The following RUNX1 variants were observed in gnomAD, a reference collection of about 807,000 sequenced individuals.
RUNX1 encodes the protein RUNX family transcription factor 1, also known as runt-related transcription factor 1.
A neutral mutation model predicts 42.8 loss-of-function variants in RUNX1; 19 were observed. The ratio of observed to expected loss-of-function variants is 0.44; its 90% CI spans 0.31 to 0.65. RUNX1 has a LOEUF of 0.65. RUNX1 is among the 30% of genes least tolerant of loss of function. The probability of loss-of-function intolerance (pLI) is 0.07; values close to 1 mark genes in which losing one functional copy is unlikely to be tolerated. For synonymous variants in RUNX1, 271 were observed against 289.4 expected, an observed-to-expected ratio of 0.94 and a Z score of 0.64; for missense variants, 528 against 672.0, an observed-to-expected ratio of 0.79 and a Z score of 2.37.
At chr21:34,895,944 T>C (rs764201107) in intron 2 of RUNX1, among the ~76,000 whole-genome samples, 21 of 151,146 alleles carry the variant, frequency 1.4e-4, no homozygotes, top group Admixed American at 8.5e-4. Flanking sequence ...ATAGCAGTTG[T>C]CAGACAAGGG....
At chr21:34,837,232 T>C (rs1044575539) in intron 6 of RUNX1, among the ~76,000 whole-genome samples, 1 of 152,158 alleles carries the variant, frequency 6.6e-6, no homozygotes, top group African/African-American at 2.4e-5. Flanking sequence ...CTGAGTTTAA[T>C]GCTGGAGGAT....
At chr21:34,909,981 G>A (rs1443967078) in intron 2 of RUNX1, among the ~76,000 whole-genome samples, 1 of 152,124 alleles carries the variant, frequency 6.6e-6, no homozygotes, top group Non-Finnish European at 1.5e-5. Context: ...AGCTGTGCCT[G>A]GGCTGCCCCC....
intron 2 of RUNX1, among the ~76,000 whole-genome samples, chr21:34,928,965 G>A (rs114422026): frequency 2.0e-5 from 3 of 148,378 alleles, no homozygotes; most frequent in Non-Finnish European, 4.5e-5. Flanking sequence ...TTTTTTTGGG[G>A]GGGGGGGTAG....
At position 34,965,994 on chromosome 21, in the gene RUNX1, C is replaced by T. The variant is rs778553373; in HGVS notation, c.59-73031G>A. 2.6e-4 allele frequency among the ~76,000 whole-genome samples: 39 copies of T among 152,172 alleles called. 1 individual carries two copies. The highest frequency in any genetic ancestry group is 5.1e-4 in the Non-Finnish European group (35 of 68,034). ...TGCCAGCCACATCCCAGGGCGGTCT[C>T]GATGGAGCAGTCCCCTCCTGTGGGT... On this transcript the variant is annotated intron_variant, in intron 2 of 8. Coordinates refer to ENST00000675419, the MANE Select transcript of RUNX1 (RefSeq NM_001754.5).
chr21:34,993,496 C>CACACACA (rs1160336189), intron 2 of RUNX1, among the ~76,000 whole-genome samples: 2,082 of 120,344 alleles, frequency 0.017, 60 homozygotes, highest in African/African-American at 0.074. Flanking sequence ...TTTGTTTGTC[C>CACACACA]CTACACACAC....
intron 2 of RUNX1, among the ~76,000 whole-genome samples, chr21:35,034,010 T>C (rs1283703320): frequency 2.0e-5 from 3 of 152,230 alleles, no homozygotes; most frequent in Non-Finnish European, 2.9e-5. Flanking sequence ...TATTTTAAGT[T>C]TATTTCACAG....
At chr21:35,046,010 G>A (rs1325567570) in intron 2 of RUNX1, among the ~76,000 whole-genome samples, 1 of 152,162 alleles carries the variant, frequency 6.6e-6, no homozygotes, top group Non-Finnish European at 1.5e-5. Context: ...ATATGTACGT[G>A]CCGAGGCTTT....
chr21:34,947,020 T>C (rs1284886114), intron 2 of RUNX1, among the ~76,000 whole-genome samples: 1 of 152,186 alleles, frequency 6.6e-6, no homozygotes, highest in Non-Finnish European at 1.5e-5. Context: ...AATTCTACCA[T>C]GGTCTTTCTT....
At chr21:35,001,279 T>C (rs888485401) in intron 2 of RUNX1, among the ~76,000 whole-genome samples, 1 of 137,338 alleles carries the variant, frequency 7.3e-6, no homozygotes, top group Admixed American at 7.2e-5. Context: ...AATAAGTTTT[T>C]GGCCTATTAT....
At chr21:34,939,441 T>C (rs142572092) in intron 2 of RUNX1, among the ~76,000 whole-genome samples, 86 of 152,334 alleles carry the variant, frequency 5.6e-4, no homozygotes, top group African/African-American at 2.0e-3. Flanking sequence ...ATAATGATCA[T>C]GTGTGATATG....
chr21:34,961,829 T>G (rs2058684094), intron 2 of RUNX1, among the ~76,000 whole-genome samples: 1 of 152,222 alleles, frequency 6.6e-6, no homozygotes, highest in South Asian at 2.1e-4. Context: ...TCTGAATTAG[T>G]GTGCTTCTGT....
chr21:34,899,237 TTATGGCCTGA>T (rs2058157106), intron 2 of RUNX1, among the ~76,000 whole-genome samples: 1 of 152,208 alleles, frequency 6.6e-6, no homozygotes. Context: ...TAAGCTGTTG[TTATGGCCTGA>T]ATGTTTGTAT....
intron 7 of RUNX1, among the ~76,000 whole-genome samples, chr21:34,812,802 G>A (rs550648687): frequency 6.6e-6 from 1 of 152,256 alleles, no homozygotes; most frequent in South Asian, 2.1e-4. Context: ...GGCCAAGGAA[G>A]GCTTTCTCAT....
intron 2 of RUNX1, among the ~76,000 whole-genome samples, chr21:34,921,342 GT>G (rs748174336): frequency 2.0e-5 from 3 of 152,100 alleles, no homozygotes; most frequent in South Asian, 2.1e-4. Context: ...TCTTCTTTCT[GT>G]CTCTATCATG....
chr21:35,032,354 G>A (rs773313172), intron 2 of RUNX1, among the ~76,000 whole-genome samples: 1 of 152,154 alleles, frequency 6.6e-6, no homozygotes, highest in African/African-American at 2.4e-5. Flanking sequence ...AACCTCTTCT[G>A]TTATCCCACT....
intron 2 of RUNX1, among the ~76,000 whole-genome samples, chr21:34,918,907 A>AAAAAT (rs1163313837): frequency 1.3e-5 from 2 of 152,234 alleles, no homozygotes; most frequent in South Asian, 2.1e-4. Context: ...TCTGTCTCAA[A>AAAAAT]AAAATAAAAT....
intron 2 of RUNX1, among the ~76,000 whole-genome samples, chr21:35,036,833 C>T (rs1338255870): frequency 1.3e-5 from 2 of 152,182 alleles, no homozygotes; most frequent in Non-Finnish European, 2.9e-5. Flanking sequence ...TTTATTTTAG[C>T]CTCAGGAATA....
chr21:34,996,904 C>T (rs143889593), intron 2 of RUNX1, among the ~76,000 whole-genome samples: 2 of 152,302 alleles, frequency 1.3e-5, no homozygotes, highest in African/African-American at 2.4e-5. Context: ...AGCAATAAGA[C>T]ATAGATACTA....
chr21:34,914,299 C>T (rs560684346), intron 2 of RUNX1, among the ~76,000 whole-genome samples: 6 of 152,116 alleles, frequency 3.9e-5, no homozygotes, highest in African/African-American at 7.2e-5. Context: ...TTAATGGGGA[C>T]GTTAAGACCA....
Sources: gnomAD v4.1 joint callset for allele counts (sites outside exome capture counted in the v4.1 genomes callset) on GRCh38, gnomAD v4.1.1 for gene constraint, MANE v1.5 for transcripts, NCBI Gene and HGNC (gene_info 2026-07-23, HGNC 2026-07-21) for gene names.